RMDN2: variants seen among roughly 807,000 people sequenced by gnomAD.
RMDN2 encodes regulator of microtubule dynamics 2.
In RMDN2, 61 loss-of-function variants were observed where a neutral mutation model predicts 52.8. The ratio of observed to expected loss-of-function variants is 1.16; its 90% CI spans 0.94 to 1.43. The LOEUF is 1.43. RMDN2 is among the 40% of genes most tolerant of loss of function. The pLI, the probability that RMDN2 is intolerant of heterozygous loss-of-function variation, is 0.00. For synonymous variants in RMDN2, 180 were observed against 153.1 expected (o/e 1.18, Z -1.30); for missense variants, 592 against 475.3 (o/e 1.25, Z -2.28).
At position 38,007,100 on chromosome 2, in the gene RMDN2, G is replaced by A. The variant is rs564629453; in HGVS notation, c.1179+2884G>A. ...AGCTTTTTGATGTGCTGCTGGATTC[G>A]GTTTGCCAGTATTTTATTGAGGATT... On this transcript the variant is annotated intron_variant, in intron 10 of 10. Coordinates refer to ENST00000354545, the MANE Select transcript of RMDN2 (RefSeq NM_001170791.3). Among the ~76,000 whole-genome samples the A allele has an allele frequency of 1.5e-4, 23 of 152,204 alleles. No individual in the cohort carries two copies. The East Asian group carries it at 3.3e-3, about 22-fold the overall frequency.
chr2:37,985,474 C>T (rs1175053073), intron 5 of RMDN2, among the ~76,000 whole-genome samples: 1 of 152,088 alleles, frequency 6.6e-6, no homozygotes, highest in African/African-American at 2.4e-5. Context: ...TCACTCATAA[C>T]ATTTTTTGGA....
intron 10 of RMDN2, among the ~76,000 whole-genome samples, chr2:38,053,142 A>G (rs1681696112): frequency 6.6e-6 from 1 of 152,172 alleles, no homozygotes; most frequent in Non-Finnish European, 1.5e-5. Context: ...AATAAGTAAG[A>G]GTGAGGGTGG....
At chr2:37,932,268 A>C (rs1442795826) in intron 2 of RMDN2, among the ~76,000 whole-genome samples, 1 of 150,744 alleles carries the variant, frequency 6.6e-6, no homozygotes, top group Non-Finnish European at 1.5e-5. Context: ...ATGACTCTTA[A>C]GGAGCATGCT....
upstream of RMDN2, among the ~76,000 whole-genome samples, chr2:37,925,035 G>C (rs77766971): frequency 1.6e-3 from 238 of 152,332 alleles, 5 homozygotes; most frequent in East Asian, 0.037. Flanking sequence ...GCAGCAACGC[G>C]AGAGGGAACG....
chr2:37,964,018 G>T (rs1447595726), intron 2 of RMDN2, among the ~76,000 whole-genome samples: 2 of 151,392 alleles, frequency 1.3e-5, no homozygotes, highest in African/African-American at 4.9e-5. Flanking sequence ...CGGACGGGGC[G>T]GCTGGCCTGG....
chr2:37,964,835 GTAT>G (rs1270420888), intron 2 of RMDN2, among the ~76,000 whole-genome samples: 1 of 152,038 alleles, frequency 6.6e-6, no homozygotes, highest in Non-Finnish European at 1.5e-5. Context: ...TATTACTATG[GTAT>G]TATTATTTTA....
chr2:38,066,044 C>A (rs1401297097), intron 10 of RMDN2, among the ~76,000 whole-genome samples: 1 of 152,140 alleles, frequency 6.6e-6, no homozygotes, highest in East Asian at 1.9e-4. Context: ...TGGGAAGGGA[C>A]AAACTAGGGT....
At chr2:38,041,702 T>A (rs776360783) in intron 10 of RMDN2, among the ~76,000 whole-genome samples, 2 of 152,166 alleles carry the variant, frequency 1.3e-5, no homozygotes, top group African/African-American at 4.8e-5. Context: ...TTGATTGATA[T>A]GATTATATGA....
intron 2 of RMDN2, among the ~76,000 whole-genome samples, chr2:37,937,442 T>C (rs903842394): frequency 2.0e-5 from 3 of 152,222 alleles, no homozygotes; most frequent in Non-Finnish European, 2.9e-5. Flanking sequence ...AGAAAGTCAA[T>C]GGTAGCTTCA....
chr2:37,932,963 C>T (rs1666944227), intron 2 of RMDN2, among the ~76,000 whole-genome samples: 1 of 151,414 alleles, frequency 6.6e-6, no homozygotes, highest in African/African-American at 2.4e-5. Context: ...GGCGGAGACG[C>T]TCCTCACTTC....
intron 2 of RMDN2, among the ~76,000 whole-genome samples, chr2:37,971,607 G>GA (rs201566555): frequency 0.017 from 2,602 of 152,132 alleles, 67 homozygotes; most frequent in African/African-American, 0.06. Flanking sequence ...TTTCCCATCT[G>GA]AATGCCTGAA....
chr2:37,966,595 T>C (rs531294993), intron 2 of RMDN2, among the ~76,000 whole-genome samples: 17 of 152,092 alleles, frequency 1.1e-4, no homozygotes, highest in Admixed American at 9.2e-4. Flanking sequence ...CTCTATTTAC[T>C]TTTTTTTCAT....
At chr2:37,937,430 G>A (rs183910989) in intron 2 of RMDN2, among the ~76,000 whole-genome samples, 2 of 152,258 alleles carry the variant, frequency 1.3e-5, no homozygotes, top group East Asian at 1.9e-4. Context: ...CTAATTCTGT[G>A]AAGAAAGTCA....
At chr2:38,052,983 A>G (rs116645968) in intron 10 of RMDN2, among the ~76,000 whole-genome samples, 52 of 152,314 alleles carry the variant, frequency 3.4e-4, no homozygotes, top group African/African-American at 1.2e-3. Context: ...ATGACTGCCA[A>G]CTTTACAGAT....
chr2:38,037,231 A>G (rs756675253), intron 10 of RMDN2, among the ~76,000 whole-genome samples: 2 of 152,186 alleles, frequency 1.3e-5, no homozygotes, highest in Non-Finnish European at 2.9e-5. Context: ...GATCAAATAA[A>G]TGGACATAAA....
At chr2:37,947,831 T>TG in intron 2 of RMDN2, among the ~76,000 whole-genome samples, 1 of 152,326 alleles carries the variant, frequency 6.6e-6, no homozygotes, top group East Asian at 1.9e-4. Context: ...ATTTTTAGTT[T>TG]GGGGCATGTT....
intron 2 of RMDN2, among the ~76,000 whole-genome samples, chr2:37,959,848 T>C (rs1319928513): frequency 6.6e-6 from 1 of 151,016 alleles, no homozygotes; most frequent in African/African-American, 2.5e-5. Flanking sequence ...TGGTATGTTG[T>C]ATCTTAGTTC....
intron 2 of RMDN2, among the ~76,000 whole-genome samples, chr2:37,958,896 C>G (rs1189095040): frequency 1.3e-5 from 2 of 150,820 alleles, no homozygotes; most frequent in Non-Finnish European, 2.9e-5. Flanking sequence ...TTGTGATAAT[C>G]AATAGATCAT....
intron 2 of RMDN2, among the ~76,000 whole-genome samples, chr2:37,967,034 C>T (rs1417570109): frequency 2.6e-5 from 4 of 151,720 alleles, no homozygotes; most frequent in Admixed American, 6.6e-5. Context: ...GGGGACAGTG[C>T]CCGAAAGAAA....
Sources: allele counts gnomAD v4.1 joint callset (sites outside exome capture counted in the v4.1 genomes callset), GRCh38; gene constraint gnomAD v4.1.1; transcripts MANE v1.5; gene names NCBI Gene and HGNC (gene_info 2026-07-23, HGNC 2026-07-21).